The following LYRM7 variants were observed in gnomAD, a reference collection of about 807,000 sequenced individuals.
The protein encoded by LYRM7 is LYR motif containing 7, also known as complex III assembly factor LYRM7.
Under a neutral mutation model 15.8 loss-of-function variants are expected in LYRM7, and 9 were observed. The ratio of observed to expected loss-of-function variants is 0.57; its 90% CI spans 0.34 to 0.99. LYRM7 has a LOEUF of 0.99. Ranked by LOEUF, LYRM7 falls within the 50% of genes least tolerant of loss-of-function variation. LYRM7 has a pLI of 0.02. For synonymous variants in LYRM7, 39 were observed against 39.4 expected (o/e 0.99, Z 0.04); for missense variants, 115 against 119.1 (o/e 0.97, Z 0.16).
chr5:131,195,806 C>G (rs577348006), intron 4 of LYRM7, among the ~76,000 whole-genome samples: 3 of 152,270 alleles, frequency 2.0e-5, no homozygotes, highest in Admixed American at 6.5e-5. Flanking sequence ...CTTTTCACCT[C>G]TTAAGGCCAC....
At chr5:131,173,470 G>A (rs1391678444) in intron 1 of LYRM7, among the ~76,000 whole-genome samples, 1 of 152,218 alleles carries the variant, frequency 6.6e-6, no homozygotes, top group African/African-American at 2.4e-5. Context: ...TGTTGGCTGG[G>A]AAAGGTGGCT....
Position 131,186,797 on chromosome 5 carries a change from A to T in LYRM7, c.163-231A>T, listed in dbSNP as rs1015557. Among the ~76,000 whole-genome samples, 4,728 of 152,346 alleles carry T rather than the reference A, an allele frequency of 0.031. 267 individuals are homozygous for T. Among genetic ancestry groups the T allele is most frequent in the African/African-American group, 0.11 (4,460 of 41,576 alleles). On this transcript the variant is annotated intron_variant, in intron 3 of 4. Transcript: ENST00000379380. ...GCTGGAGCAGATGGCATGAGATTTC[A>T]TCATGCTACTCAGAGTGACATGTGA...
intron 4 of LYRM7, among the ~76,000 whole-genome samples, chr5:131,198,137 T>C (rs1006583746): frequency 5.3e-5 from 8 of 152,260 alleles, no homozygotes; most frequent in African/African-American, 1.7e-4. Flanking sequence ...CTAGATCTCC[T>C]GGAGAAATAC....
chr5:131,177,212 A>C (rs76394441), intron 1 of LYRM7, among the ~76,000 whole-genome samples: 11,405 of 152,184 alleles, frequency 0.075, 1,172 homozygotes, highest in African/African-American at 0.24. Flanking sequence ...CCTTGCAATA[A>C]CTTTCCTGGA....
intron 4 of LYRM7, 36 bp downstream of exon 4, chr5:131,187,145 A>C (rs1755808668): frequency 8.8e-7 from 1 of 1,131,728 alleles, no homozygotes; most frequent in South Asian, 1.4e-5. Context: ...TTCTAACTGC[A>C]ATGTGTTTTA....
At chr5:131,187,627 G>A (rs574515907) in intron 4 of LYRM7, among the ~76,000 whole-genome samples, 3 of 151,814 alleles carry the variant, frequency 2.0e-5, no homozygotes, top group Non-Finnish European at 4.4e-5. Flanking sequence ...TAGGACTACA[G>A]GCACACACCA....
intron 4 of LYRM7, 52 bp downstream of exon 4, chr5:131,187,161 T>G (rs763486939): frequency 2.0e-6 from 2 of 1,022,112 alleles, no homozygotes; most frequent in Admixed American, 2.2e-5. Context: ...TTTTAAAATA[T>G]TGAATAATTA....
rs115399989 is a variant in LYRM7, at chr5:131,172,882, A to G, written c.18+1844A>G. On this transcript the variant is annotated intron_variant, in intron 1 of 4. Coordinates refer to ENST00000379380, the MANE Select transcript of LYRM7 (RefSeq NM_181705.4). The stretch of plus-strand genomic sequence containing the variant: ...TTCATCTACACTGCCTGAATTGTCC[A>G]ATCAGTATAAGTAAATGAGGAAGAG... 7.1e-3 allele frequency among the ~76,000 whole-genome samples: 1,085 copies of G among 152,332 alleles called. 16 individuals are homozygous for G. The highest frequency in any genetic ancestry group is 0.025 in the African/African-American group (1,045 of 41,572).
chr5:131,181,302 A>AATATATATAT (rs1561544194), intron 2 of LYRM7, among the ~76,000 whole-genome samples: 36 of 8,766 alleles, frequency 4.1e-3, no homozygotes, highest in East Asian at 6.7e-3. Context: ...AAAAAAAAAA[A>AATATATATAT]ATATATATAT....
chr5:131,187,483 G>GT (rs67748558), intron 4 of LYRM7, among the ~76,000 whole-genome samples: 136 of 142,742 alleles, frequency 9.5e-4, no homozygotes, highest in East Asian at 1.4e-3. Context: ...TTTTGTTTTT[G>GT]TTTTTTTTTT....
chr5:131,189,963 T>C (rs1309385513), intron 4 of LYRM7, among the ~76,000 whole-genome samples: 1 of 151,618 alleles, frequency 6.6e-6, no homozygotes, highest in Non-Finnish European at 1.5e-5. Context: ...TAAAACCCTG[T>C]CTCTACCAGA....
At chr5:131,182,489 C>T (rs1039933128) in intron 3 of LYRM7, among the ~76,000 whole-genome samples, 190 bp downstream of exon 3, 8 of 152,088 alleles carry the variant, frequency 5.3e-5, no homozygotes, top group Admixed American at 6.5e-5. Context: ...CAAAATACAG[C>T]AAGGTACCCC....
intron 4 of LYRM7, among the ~76,000 whole-genome samples, chr5:131,199,251 G>C (rs1344625489): frequency 6.6e-6 from 1 of 152,090 alleles, no homozygotes; most frequent in East Asian, 1.9e-4. Context: ...AATAATAGAA[G>C]TTTTAGCTGA....
chr5:131,185,988 T>C (rs72803769), intron 3 of LYRM7, among the ~76,000 whole-genome samples: 25,205 of 152,154 alleles, frequency 0.17, 2,453 homozygotes, highest in African/African-American at 0.27. Flanking sequence ...GCCAAATAGC[T>C]AAGTCTAAAT....
chr5:131,204,475 C>CACAT lies in LYRM7; in HGVS notation c.*4877_*4878insTACA, dbSNP rs1409732482. The CACAT allele has an allele frequency of 1.7e-5, 2 of 117,316 alleles. No homozygotes were observed. The highest frequency in any genetic ancestry group is 1.0e-4 in the African/African-American group (2 of 19,128). The allele number at this position is 117,316 out of a possible 1,614,324, so 7.3% of individuals were successfully genotyped here. A position where few individuals can be genotyped will look rare whatever the true frequency, so the allele number is the denominator to read the frequency against. ...GTTGAAAAGGATGAGGATACACACA[C>CACAT]ACACACACACACACACACACACACA... is the stretch of plus-strand genomic sequence containing the variant. On this transcript the variant is annotated 3_prime_UTR_variant, in exon 5 of 5. Coordinates refer to ENST00000379380, the MANE Select transcript of LYRM7 (RefSeq NM_181705.4).
chr5:131,176,544 T>C (rs941060045), intron 1 of LYRM7, among the ~76,000 whole-genome samples: 8 of 151,510 alleles, frequency 5.3e-5, no homozygotes, highest in African/African-American at 1.9e-4. Context: ...GGAAGAAATA[T>C]CTATTCAAAT....
chr5:131,172,362 G>A (rs11952747), intron 1 of LYRM7, among the ~76,000 whole-genome samples: 1,740 of 152,286 alleles, frequency 0.011, 39 homozygotes, highest in African/African-American at 0.04. Flanking sequence ...GCAGTGAGCC[G>A]AGACTGCGCC....
chr5:131,197,541 C>CTTTTTTTT (rs60003952), intron 4 of LYRM7, among the ~76,000 whole-genome samples: 89 of 90,734 alleles, frequency 9.8e-4, no homozygotes, highest in East Asian at 2.3e-3. Context: ...TGTCTTCTGT[C>CTTTTTTTT]TTTTTTTTTT....
chr5:131,193,785 G>A (rs1455514966), intron 4 of LYRM7, among the ~76,000 whole-genome samples: 1 of 152,142 alleles, frequency 6.6e-6, no homozygotes, highest in African/African-American at 2.4e-5. Context: ...TGAGGCACGT[G>A]GATCAACTGA....
Sources: allele counts gnomAD v4.1 joint callset (sites outside exome capture counted in the v4.1 genomes callset), GRCh38; gene constraint gnomAD v4.1.1; transcripts MANE v1.5; gene names NCBI Gene and HGNC (gene_info 2026-07-23, HGNC 2026-07-21).